The following CCDC171 variants were observed in gnomAD, a reference collection of about 807,000 sequenced individuals.
CCDC171 encodes the protein coiled-coil domain containing 171, also known as coiled-coil domain-containing protein 171.
In CCDC171, 177 loss-of-function variants were observed where a neutral mutation model predicts 168.2. The ratio of observed to expected loss-of-function variants is 1.05; its 90% CI spans 0.93 to 1.19. The LOEUF is 1.19. Ranked by LOEUF, CCDC171 falls within the 50% of genes most tolerant of loss-of-function variation. The pLI, the probability that CCDC171 is intolerant of heterozygous loss-of-function variation, is 0.00. For missense variants in CCDC171, 1,991 were observed against 1,539.0 expected (o/e 1.29, Z -4.91); for synonymous variants, 687 against 540.8 (o/e 1.27, Z -3.75).
intron 7 of CCDC171, among the ~76,000 whole-genome samples, chr9:15,646,956 C>T (rs911105842): frequency 7.9e-5 from 12 of 152,216 alleles, no homozygotes; most frequent in African/African-American, 2.2e-4. Context: ...ACATTCTTCT[C>T]AGCACCACAT....
chr9:15,757,183 A>G (rs1423490831), intron 18 of CCDC171, among the ~76,000 whole-genome samples: 1 of 152,224 alleles, frequency 6.6e-6, no homozygotes, highest in Non-Finnish European at 1.5e-5. Context: ...AGAAGAAGAC[A>G]CGAAAATGTG....
chr9:15,703,318 C>T (rs952475353), intron 11 of CCDC171, among the ~76,000 whole-genome samples: 1 of 152,168 alleles, frequency 6.6e-6, no homozygotes, highest in Non-Finnish European at 1.5e-5. Context: ...TCTTTCTTAT[C>T]ATTCATGTGT....
At chr9:16,102,492 G>T in the CCDC171 span, among the ~76,000 whole-genome samples, 2 of 150,342 alleles carry the variant, frequency 1.3e-5, no homozygotes, top group African/African-American at 4.9e-5. Flanking sequence ...GTGTGTTGGG[G>T]GGGGGCGGGG....
Position 15,614,607 on chromosome 9 carries a change from G to A in CCDC171, c.676-8660G>A, listed in dbSNP as rs538484935. 2.0e-5 allele frequency among the ~76,000 whole-genome samples: 3 copies of A among 152,284 alleles called. No individual in the cohort carries two copies. The East Asian group carries it at 5.8e-4, about 29-fold the overall frequency. On this transcript the variant is annotated intron_variant, in intron 6 of 25. Coordinates refer to ENST00000380701, the MANE Select transcript of CCDC171 (RefSeq NM_173550.4). Reference sequence around the variant, plus strand: ...GCTACCCCATTCTGGAGCTGCTTATGTTCTTTGAGGATATTTTGAAGTTTT... The same window carrying A: ...GCTACCCCATTCTGGAGCTGCTTATATTCTTTGAGGATATTTTGAAGTTTT...
intron 7 of CCDC171, among the ~76,000 whole-genome samples, chr9:15,630,319 G>C (rs1206252374): frequency 6.6e-6 from 1 of 152,048 alleles, no homozygotes; most frequent in Non-Finnish European, 1.5e-5. Context: ...CAAAATAAAA[G>C]GATGGAGGAA....
chr9:15,569,834 AAAAC>A (rs947101058), intron 2 of CCDC171, among the ~76,000 whole-genome samples: 2 of 112,428 alleles, frequency 1.8e-5, no homozygotes, highest in African/African-American at 3.2e-5. Context: ...CAAAAAACAA[AAAAC>A]AAACAAACAA....
chr9:15,581,797 C>G (rs1212381499), intron 4 of CCDC171, among the ~76,000 whole-genome samples: 2 of 152,080 alleles, frequency 1.3e-5, no homozygotes, highest in Non-Finnish European at 2.9e-5. Flanking sequence ...GGATTAAAGA[C>G]TTAAACGTAA....
rs933633756 is a variant in CCDC171, at chr9:15,816,048, T to C, written c.3268-30654T>C. Among the ~76,000 whole-genome samples, 2 of 118,092 alleles carry C rather than the reference T, an allele frequency of 1.7e-5. 1 individual carries two copies. Among genetic ancestry groups the C allele is most frequent in the East Asian group, 4.2e-4 (2 of 4,710 alleles). 77.5% of individuals were successfully genotyped at this position (118,092 alleles called of 152,430 possible). ...TTGTTAGCCTGAACAACAGAAAATA[T>C]GTAATAATGTAAAACATTCACGTTT... On this transcript the variant is annotated intron_variant, in intron 21 of 25. Transcript: ENST00000380701.
intron 4 of CCDC171, among the ~76,000 whole-genome samples, chr9:15,580,057 A>G (rs2040989478): frequency 6.6e-6 from 1 of 152,216 alleles, no homozygotes; most frequent in South Asian, 2.1e-4. Context: ...GTACCCAGAA[A>G]TAAAGACAAA....
downstream of CCDC171, among the ~76,000 whole-genome samples, chr9:16,063,884 A>G (rs1387095269): frequency 6.6e-6 from 1 of 152,262 alleles, no homozygotes; most frequent in Non-Finnish European, 1.5e-5. Context: ...AGGGACCAAG[A>G]TAGTGAATTC....
chr9:15,761,346 C>G (rs2056435522), intron 18 of CCDC171, among the ~76,000 whole-genome samples: 1 of 152,024 alleles, frequency 6.6e-6, no homozygotes, highest in Non-Finnish European at 1.5e-5. Context: ...TAAGGAAGTT[C>G]AAAGTGGTAA....
intron 23 of CCDC171, among the ~76,000 whole-genome samples, chr9:15,866,890 A>G (rs974848469): frequency 3.3e-5 from 5 of 152,032 alleles, no homozygotes; most frequent in African/African-American, 4.8e-5. Flanking sequence ...CACTTAATGA[A>G]TGTTTGTGGA....
chr9:15,836,042 T>C (rs1234572601), intron 21 of CCDC171, among the ~76,000 whole-genome samples: 6 of 152,232 alleles, frequency 3.9e-5, no homozygotes, highest in Admixed American at 3.9e-4. Flanking sequence ...TAATATTTAA[T>C]TAAACTTCAT....
Position 15,820,103 on chromosome 9 carries a change from CAAAA to C in CCDC171, c.3268-26598_3268-26595del, listed in dbSNP as rs1210238564. Among the ~76,000 whole-genome samples, 39 of 117,554 alleles carry C rather than the reference CAAAA, an allele frequency of 3.3e-4. 12 individuals are homozygous for C. Among genetic ancestry groups the C allele is most frequent in the African/African-American group, 1.2e-3 (39 of 31,278 alleles). 77.1% of individuals were successfully genotyped at this position (117,554 alleles called of 152,430 possible). On this transcript the variant is annotated intron_variant, in intron 21 of 25. Coordinates refer to ENST00000380701, the MANE Select transcript of CCDC171 (RefSeq NM_173550.4). ...TCCTGAATGACTACTGGGTACATAA[CAAAA>C]TGAAGGCAGAAATAAAGGTGTTCTT...
At chr9:15,555,240 T>C (rs1481981312) in intron 1 of CCDC171, among the ~76,000 whole-genome samples, 4 of 152,152 alleles carry the variant, frequency 2.6e-5, no homozygotes, top group Non-Finnish European at 5.9e-5. Context: ...TCTATTTTAG[T>C]AGGAATGGTG....
intron 24 of CCDC171, among the ~76,000 whole-genome samples, chr9:15,877,161 C>G (rs1305861376): frequency 7.0e-6 from 1 of 142,656 alleles, no homozygotes; most frequent in Non-Finnish European, 1.5e-5. Context: ...CTAGCTTTCC[C>G]CTCCAACTTT....
chr9:16,024,655 A>G (rs1241210157), intron 6 of CCDC171, among the ~76,000 whole-genome samples: 2 of 152,208 alleles, frequency 1.3e-5, no homozygotes, highest in Admixed American at 6.5e-5. Flanking sequence ...CAACCCAAGC[A>G]ATTCCCTTTA....
intron 24 of CCDC171, among the ~76,000 whole-genome samples, chr9:15,897,907 A>G (rs1181002207): frequency 6.6e-6 from 1 of 152,184 alleles, no homozygotes; most frequent in African/African-American, 2.4e-5. Flanking sequence ...ACAGGCATGG[A>G]TTTGAATCCC....
At chr9:16,032,009 G>A (rs762981603) in intron 6 of CCDC171, among the ~76,000 whole-genome samples, 10 of 152,172 alleles carry the variant, frequency 6.6e-5, no homozygotes, top group East Asian at 1.9e-4. Flanking sequence ...GGTGCCAAAC[G>A]GGCCCTGAGA....
Sources: gnomAD v4.1 joint callset for allele counts (sites outside exome capture counted in the v4.1 genomes callset) on GRCh38, gnomAD v4.1.1 for gene constraint, MANE v1.5 for transcripts, NCBI Gene and HGNC (gene_info 2026-07-23, HGNC 2026-07-21) for gene names.